NPAS3: variants seen among roughly 807,000 people sequenced by gnomAD.
The protein encoded by NPAS3 is neuronal PAS domain protein 3.
NPAS3 carries 14 observed loss-of-function variants against 73.1 expected under a neutral mutation model. The ratio of observed to expected loss-of-function variants is 0.19; its 90% CI spans 0.13 to 0.30. The LOEUF (loss-of-function observed/expected upper bound fraction) is 0.30. Among genes scored for constraint, NPAS3 ranks in the 10% least tolerant of loss-of-function variants. The pLI is 1.00. For missense variants in NPAS3, 1,096 were observed against 1,250.0 expected, an observed-to-expected ratio of 0.88 and a Z score of 1.86; for synonymous variants, 620 against 541.5, an observed-to-expected ratio of 1.14 and a Z score of -2.01.
intron 1 of NPAS3, among the ~76,000 whole-genome samples, chr14:32,989,952 G>T (rs1204780474): frequency 6.6e-6 from 1 of 151,308 alleles, no homozygotes; most frequent in African/African-American, 2.4e-5. Flanking sequence ...AATAGGGGTG[G>T]ACTTGATAAA....
At chr14:33,545,910 C>A (rs2054821099) in intron 4 of NPAS3, among the ~76,000 whole-genome samples, 1 of 152,170 alleles carries the variant, frequency 6.6e-6, no homozygotes, top group African/African-American at 2.4e-5. Context: ...TGAAGCAAGT[C>A]CATTCCTGCT....
intron 3 of NPAS3, among the ~76,000 whole-genome samples, chr14:33,295,935 G>A (rs1047147113): frequency 6.6e-6 from 1 of 152,186 alleles, no homozygotes. Flanking sequence ...CTGTATAAAT[G>A]TAAGAAAGTT....
chr14:33,733,888 T>C lies in NPAS3; in HGVS notation c.734-1326T>C, dbSNP rs1229444749. ...ATAGGAAAACATAGTCATGTTAAGA[T>C]AAAAATGATAGAAGAAAAGCCCCAG... On this transcript the variant is annotated intron_variant, in intron 6 of 11. Transcript: ENST00000356141. Among the ~76,000 whole-genome samples, 10 of 152,146 alleles carry C rather than the reference T, an allele frequency of 6.6e-5. 1 individual carries two copies. The highest frequency in any genetic ancestry group is 5.2e-4 in the Admixed American group (8 of 15,280).
At chr14:33,775,891 C>T (rs2062799773) in intron 8 of NPAS3, among the ~76,000 whole-genome samples, 1 of 152,206 alleles carries the variant, frequency 6.6e-6, no homozygotes, top group African/African-American at 2.4e-5. Context: ...GTGCAAAGCT[C>T]ATCACCTGCA....
At chr14:33,695,570 C>CT (rs1329963332) in intron 6 of NPAS3, among the ~76,000 whole-genome samples, 8 of 152,236 alleles carry the variant, frequency 5.3e-5, no homozygotes, top group Middle Eastern at 3.4e-3. Context: ...TCGACTTTGG[C>CT]TTATAAAACT....
intron 2 of NPAS3, among the ~76,000 whole-genome samples, chr14:33,086,299 T>A (rs2042023530): frequency 6.6e-6 from 1 of 152,204 alleles, no homozygotes; most frequent in South Asian, 2.1e-4. Flanking sequence ...TATTCTTGTT[T>A]TGGTTTAATG....
At chr14:33,023,940 T>C (rs1390736186) in intron 1 of NPAS3, among the ~76,000 whole-genome samples, 2 of 151,908 alleles carry the variant, frequency 1.3e-5, no homozygotes, top group Non-Finnish European at 2.9e-5. Context: ...AATGTAGGGG[T>C]GCAAAGATGA....
At chr14:33,405,188 A>T (rs139891823) in intron 4 of NPAS3, among the ~76,000 whole-genome samples, 1 of 151,858 alleles carries the variant, frequency 6.6e-6, no homozygotes, top group Non-Finnish European at 1.5e-5. Flanking sequence ...AGTTATCTGG[A>T]TGGTCTGGAC....
At chr14:33,711,999 C>T (rs1204577286) in intron 6 of NPAS3, among the ~76,000 whole-genome samples, 1 of 152,174 alleles carries the variant, frequency 6.6e-6, no homozygotes, top group Non-Finnish European at 1.5e-5. Context: ...ACTTCGAGCC[C>T]TTCCTCTCCG....
chr14:33,405,151 C>A (rs1462973040), intron 4 of NPAS3, among the ~76,000 whole-genome samples: 1 of 152,048 alleles, frequency 6.6e-6, no homozygotes, highest in African/African-American at 2.4e-5. Flanking sequence ...CGGGTAATGG[C>A]TGCATGTTGC....
chr14:33,024,216 G>T (rs570557383), intron 1 of NPAS3, among the ~76,000 whole-genome samples: 1 of 151,186 alleles, frequency 6.6e-6, no homozygotes, highest in African/African-American at 2.4e-5. Context: ...CTGTCACCCA[G>T]GCTGGAGTAC....
chr14:33,137,712 G>A (rs963732907), intron 2 of NPAS3, among the ~76,000 whole-genome samples: 3 of 152,154 alleles, frequency 2.0e-5, no homozygotes, highest in Non-Finnish European at 4.4e-5. Flanking sequence ...AATTTCTGGA[G>A]TTAATTTAAA....
intron 2 of NPAS3, among the ~76,000 whole-genome samples, chr14:33,169,664 A>G (rs2045312210): frequency 6.6e-6 from 1 of 152,238 alleles, no homozygotes; most frequent in South Asian, 2.1e-4. Flanking sequence ...TTATTACATG[A>G]TTAATCACAG....
At chr14:33,287,917 T>G (rs1193567937) in intron 3 of NPAS3, among the ~76,000 whole-genome samples, 1 of 152,176 alleles carries the variant, frequency 6.6e-6, no homozygotes, top group Non-Finnish European at 1.5e-5. Context: ...CAACTTATTG[T>G]TTTATTATGT....
chr14:33,139,598 T>A (rs2043968801), intron 2 of NPAS3, among the ~76,000 whole-genome samples: 1 of 152,182 alleles, frequency 6.6e-6, no homozygotes, highest in Non-Finnish European at 1.5e-5. Context: ...GACTTTCTCC[T>A]CCTGACAATT....
At chr14:33,718,971 A>T (rs2061030628) in intron 6 of NPAS3, among the ~76,000 whole-genome samples, 1 of 152,080 alleles carries the variant, frequency 6.6e-6, no homozygotes, top group African/African-American at 2.4e-5. Flanking sequence ...TACAAAAAAT[A>T]CAAAAATCTA....
At chr14:33,032,651 G>T (rs1341220676) in intron 1 of NPAS3, among the ~76,000 whole-genome samples, 1 of 152,126 alleles carries the variant, frequency 6.6e-6, no homozygotes, top group Admixed American at 6.5e-5. Context: ...CCTTATATGC[G>T]GTTTACACGG....
At chr14:33,019,494 C>T (rs929772626) in intron 1 of NPAS3, among the ~76,000 whole-genome samples, 8 of 151,838 alleles carry the variant, frequency 5.3e-5, no homozygotes, top group Admixed American at 2.6e-4. Flanking sequence ...TAAAAAAAAC[C>T]GGGGATGGTT....
intron 1 of NPAS3, among the ~76,000 whole-genome samples, chr14:33,034,183 A>T (rs2040087695): frequency 6.6e-6 from 1 of 152,086 alleles, no homozygotes. Flanking sequence ...TACAGAATTT[A>T]GATTTGAAAA....
Sources: gnomAD v4.1 joint callset for allele counts (sites outside exome capture counted in the v4.1 genomes callset) on GRCh38, gnomAD v4.1.1 for gene constraint, MANE v1.5 for transcripts, NCBI Gene and HGNC (gene_info 2026-07-23, HGNC 2026-07-21) for gene names.